The following SUPT20H variants were observed in gnomAD, a reference collection of about 807,000 sequenced individuals.
SUPT20H encodes SPT20 homolog, SAGA complex component.
In SUPT20H, 82 loss-of-function variants were observed where a neutral mutation model predicts 122.8. The observed-to-expected ratio is 0.67, with a 90% CI of 0.56 to 0.80. The LOEUF (loss-of-function observed/expected upper bound fraction) is 0.80, where lower values mean the gene tolerates loss of function less well. SUPT20H is among the 30% of genes least tolerant of loss of function. The pLI is 0.00. For missense variants in SUPT20H, 831 were observed against 921.6 expected, an observed-to-expected ratio of 0.90 and a Z score of 1.27; for synonymous variants, 291 against 313.0, an observed-to-expected ratio of 0.93 and a Z score of 0.74.
chr13:37,033,444 A>G lies in SUPT20H; in HGVS notation c.707+5T>C. Reference sequence around the variant, plus strand: ...TTTGGTTCACCCTTCCACAAAGGCAATTACCGTTTCATTGGGCGAGTGTTC... The same window carrying G: ...TTTGGTTCACCCTTCCACAAAGGCAGTTACCGTTTCATTGGGCGAGTGTTC... On this transcript the variant is annotated splice_donor_5th_base_variant and intron_variant, in intron 10 of 25. Transcript: ENST00000350612. 6.2e-7 allele frequency: 1 copy of G among 1,608,964 alleles called. No homozygotes were observed. Among genetic ancestry groups the G allele is most frequent in the Non-Finnish European group, 8.5e-7 (1 of 1,177,820 alleles).
At position 37,024,314 on chromosome 13, in the gene SUPT20H, C is replaced by G. The variant is rs201951155; in HGVS notation, c.1432+26G>C. ...ATTATATAATATTTGTTATTCTAGA[C>G]TGCAAAAAACTAAGAAATGTAATAC... On this transcript the variant is annotated intron_variant, in intron 18 of 25. Transcript: ENST00000350612. 226 of 1,544,774 alleles carry G rather than the reference C, an allele frequency of 1.5e-4. 2 individuals carry two copies. The African/African-American group carries it at 2.7e-3, about 19-fold the overall frequency.
chr13:37,040,971 T>C (rs1163489268), intron 7 of SUPT20H, among the ~76,000 whole-genome samples: 2 of 152,230 alleles, frequency 1.3e-5, no homozygotes, highest in Non-Finnish European at 2.9e-5. Context: ...AGTTTGACTT[T>C]TGGCATTTAC....
At position 37,009,597 on chromosome 13, in the gene SUPT20H, C is replaced by A. The variant is rs2059227820; in HGVS notation, c.*75G>T. On this transcript the variant is annotated 3_prime_UTR_variant, in exon 26 of 26. Transcript: ENST00000350612. ...TAAAATACTGACACATTAAAAAAAA[C>A]AAAAAGTAGAAACTCAATTCTTTTG... 1.3e-6 allele frequency: 2 copies of A among 1,575,064 alleles called. No homozygotes were observed. Among genetic ancestry groups the A allele is most frequent in the Admixed American group, 1.7e-5 (1 of 59,242 alleles).
intron 9 of SUPT20H, among the ~76,000 whole-genome samples, chr13:37,037,038 TAAAAAAA>T (rs539341835): frequency 6.7e-6 from 1 of 150,090 alleles, no homozygotes; most frequent in African/African-American, 2.4e-5. Context: ...CTACCAAAAA[TAAAAAAA>T]AATTAGCTGG....
At chr13:37,037,988 C>T (rs2064799153) in intron 9 of SUPT20H, 1 of 151,238 alleles carries the variant, frequency 6.6e-6, no homozygotes, top group Admixed American at 6.6e-5. Flanking sequence ...TCACTGAATT[C>T]CTATAAACTG....
chr13:37,026,112 A>C (rs890516986), intron 16 of SUPT20H, 92 bp downstream of exon 16: 31 of 1,056,710 alleles, frequency 2.9e-5, no homozygotes, highest in African/African-American at 5.1e-5. Flanking sequence ...AACCAAAATC[A>C]AAGTTTTTAA....
intron 9 of SUPT20H, among the ~76,000 whole-genome samples, chr13:37,036,011 A>G (rs916680456): frequency 6.6e-6 from 1 of 152,174 alleles, no homozygotes; most frequent in African/African-American, 2.4e-5. Context: ...TGCTATAGAG[A>G]ACTCTTTCAT....
chr13:37,030,111 C>T (rs1188680718), intron 12 of SUPT20H, among the ~76,000 whole-genome samples: 1 of 152,058 alleles, frequency 6.6e-6, no homozygotes, highest in Non-Finnish European at 1.5e-5. Context: ...ATTTTTTTGT[C>T]CATAAGCTGA....
intron 22 of SUPT20H, 54 bp downstream of exon 22, chr13:37,019,288 A>C: frequency 7.3e-7 from 1 of 1,373,968 alleles, no homozygotes; most frequent in Non-Finnish European, 1.0e-6. Context: ...TACATTGTTT[A>C]GAAAAAAAGT....
Position 37,009,552 on chromosome 13 carries a change from A to C in SUPT20H, c.*120T>G. The C allele has an allele frequency of 8.4e-7, 1 of 1,195,052 alleles. No individual in the cohort carries two copies. The highest frequency in any genetic ancestry group is 1.9e-5 in the Admixed American group (1 of 53,532). 74.0% of individuals were successfully genotyped at this position (1,195,052 alleles called of 1,614,324 possible). On this transcript the variant is annotated 3_prime_UTR_variant, in exon 26 of 26. Transcript: ENST00000350612. ...ATGATAAGGTTGTGCTTCTGTATAA[A>C]GTTTGTACATCTAGCAATGTAAAAT...
At chr13:37,044,287 T>A in intron 6 of SUPT20H, 106 bp from the exon 7 acceptor site, 2 of 776,122 alleles carry the variant, frequency 2.6e-6, no homozygotes, top group Non-Finnish European at 3.9e-6. Context: ...CCAAAAGGCA[T>A]TTCAACCAAG....
Position 37,012,273 on chromosome 13 carries a change from G to C in SUPT20H, c.2017C>G (p.Gln673Glu), listed in dbSNP as rs763693655. 9 of 1,613,286 alleles carry C rather than the reference G, an allele frequency of 5.6e-6. No individual in the cohort carries two copies. Among genetic ancestry groups the C allele is most frequent in the Non-Finnish European group, 7.6e-6 (9 of 1,179,450 alleles). ...TGCTGAGCAGATAAGGCCTGTTCTT[G>C]ACTGGTTGAACCTTGCTCAGAACCC... ...EQGSEQGSTSQEQALSAQQAA... is the reference protein window; with the variant it reads ...EQGSEQGSTSEEQALSAQQAA... Residue 673 changes from glutamine to glutamate, a missense_variant, in exon 24 of 26, where the codon CAA (glutamine) becomes GAA (glutamate). Transcript: ENST00000350612.
intron 23 of SUPT20H, among the ~76,000 whole-genome samples, chr13:37,014,678 T>C (rs1323549830): frequency 1.3e-5 from 2 of 152,140 alleles, no homozygotes; most frequent in Non-Finnish European, 2.9e-5. Context: ...ATATCAAAAT[T>C]TGTGGAAAGT....
intron 10 of SUPT20H, 98 bp from the exon 11 acceptor site, chr13:37,031,993 GTT>G: frequency 8.9e-7 from 1 of 1,119,722 alleles, no homozygotes; most frequent in Non-Finnish European, 1.2e-6. Context: ...TACAAATCGT[GTT>G]TATAGAACAC....
At chr13:37,031,679 A>G in intron 11 of SUPT20H, 56 bp from the exon 12 acceptor site, 1 of 1,542,216 alleles carries the variant, frequency 6.5e-7, no homozygotes, top group East Asian at 2.3e-5. Context: ...ATATACTGAA[A>G]ATGCTAAATA....
At chr13:37,033,709 T>C in intron 9 of SUPT20H, 121 bp from the exon 10 acceptor site, 2 of 1,073,622 alleles carry the variant, frequency 1.9e-6, no homozygotes, top group Non-Finnish European at 2.5e-6. Context: ...TAAAATATGG[T>C]ATTTCAAGTT....
At position 37,047,534 on chromosome 13, in the gene SUPT20H, C is replaced by G. The variant is rs1354725333; in HGVS notation, c.165+1G>C. 1.7e-5 allele frequency: 24 copies of G among 1,442,922 alleles called. No homozygotes were observed. The highest frequency in any genetic ancestry group is 2.2e-5 in the Non-Finnish European group (24 of 1,083,288). 89.4% of individuals were successfully genotyped at this position (1,442,922 alleles called of 1,614,324 possible). Reference sequence around the variant, plus strand: ...ACAACATAATAAAAATGTATACTTACCTTAACTTCAGGTTCTTTTTCACAT... The same window carrying G: ...ACAACATAATAAAAATGTATACTTAGCTTAACTTCAGGTTCTTTTTCACAT... On this transcript the variant is annotated splice_donor_variant, in intron 5 of 25. Coordinates refer to ENST00000350612, the MANE Select transcript of SUPT20H (RefSeq NM_001014286.3). LOFTEE classifies it high-confidence loss of function.
rs747392865 is a variant in SUPT20H, at chr13:37,047,962, A to C, written c.40-26T>G. 7.3e-5 allele frequency: 116 copies of C among 1,586,264 alleles called. No homozygotes were observed. In the South Asian group the frequency reaches 1.2e-3, roughly 16 times the overall value. On this transcript the variant is annotated intron_variant, in intron 3 of 25. Transcript: ENST00000350612. Reference sequence around the variant, plus strand: ...CTAAAAAACAAAAGTTTATGAGAACAGCTTGCTTTTTGCTTTTGACTATGA... The same window carrying C: ...CTAAAAAACAAAAGTTTATGAGAACCGCTTGCTTTTTGCTTTTGACTATGA...
chr13:37,049,179 C>A (rs773400138), intron 2 of SUPT20H, among the ~76,000 whole-genome samples: 11 of 152,070 alleles, frequency 7.2e-5, no homozygotes, highest in Non-Finnish European at 8.8e-5. Flanking sequence ...AACATTAAGA[C>A]AGAAAAAAAT....
Sources: gnomAD v4.1 joint callset for allele counts (sites outside exome capture counted in the v4.1 genomes callset) on GRCh38, gnomAD v4.1.1 for gene constraint, MANE v1.5 for transcripts, NCBI Gene and HGNC (gene_info 2026-07-23, HGNC 2026-07-21) for gene names.